Variants in NLGN1 observed in about 807,000 individuals in gnomAD.
The protein encoded by NLGN1 is neuroligin 1, also known as neuroligin-1.
Under a neutral mutation model 65.5 loss-of-function variants are expected in NLGN1, and 12 were observed. The ratio of observed to expected loss-of-function variants is 0.18; its 90% confidence interval spans 0.12 to 0.30. The LOEUF (loss-of-function observed/expected upper bound fraction) is 0.30. NLGN1 is among the 10% of genes least tolerant of loss of function. The pLI is 1.00. For missense variants in NLGN1, 750 were observed against 1,007.1 expected (o/e 0.74, Z 3.46); for synonymous variants, 350 against 359.5 (o/e 0.97, Z 0.30).
rs1428784506 is a variant in NLGN1 at position 173,762,623 on chromosome 3, A to C, written c.494-45057A>C. 2.6e-5 allele frequency among the ~76,000 whole-genome samples: 4 copies of C among 152,052 alleles called. No individual in the cohort carries two copies. The East Asian group carries it at 7.7e-4, about 29-fold the overall frequency. Reference sequence around the variant, plus strand: ...AATGAGCCTACCTAAGGCATTCTCTAGTTATGGTATACATTATTAACTGTT... The same window carrying C: ...AATGAGCCTACCTAAGGCATTCTCTCGTTATGGTATACATTATTAACTGTT... On this transcript the variant is annotated intron_variant, in intron 3 of 6. Coordinates refer to ENST00000457714, the Ensembl canonical transcript of NLGN1.
At chr3:173,761,707 A>G (rs1490028542) in intron 3 of NLGN1, among the ~76,000 whole-genome samples, 2 of 152,054 alleles carry the variant, frequency 1.3e-5, no homozygotes, top group Non-Finnish European at 2.9e-5. Context: ...GTAGCTTCAA[A>G]TATCAGTAAA....
intron 4 of NLGN1, among the ~76,000 whole-genome samples, chr3:174,249,345 A>G (rs906657773): frequency 6.6e-6 from 1 of 152,238 alleles, no homozygotes; most frequent in East Asian, 1.9e-4. Context: ...GCTGCCGATA[A>G]ATTTTCTTTT....
intron 4 of NLGN1, among the ~76,000 whole-genome samples, chr3:174,205,119 T>A (rs753198854): frequency 9.2e-5 from 14 of 152,116 alleles, no homozygotes; most frequent in East Asian, 3.8e-4. Flanking sequence ...TTAAAAAAAA[T>A]TTTTATATGT....
At chr3:173,594,549 T>A (rs1399539020) in intron 2 of NLGN1, among the ~76,000 whole-genome samples, 1 of 152,194 alleles carries the variant, frequency 6.6e-6, no homozygotes, top group South Asian at 2.1e-4. Flanking sequence ...CTTTTTCAGG[T>A]GAATGGTGCC....
intron 3 of NLGN1, among the ~76,000 whole-genome samples, chr3:173,633,805 G>A (rs757487330): frequency 2.0e-4 from 31 of 152,182 alleles, no homozygotes; most frequent in Non-Finnish European, 3.5e-4. Context: ...TCTAATTATC[G>A]TTTAGCAGTA....
At chr3:173,548,653 C>G (rs1312338181) in intron 2 of NLGN1, among the ~76,000 whole-genome samples, 1 of 151,894 alleles carries the variant, frequency 6.6e-6, no homozygotes, top group Non-Finnish European at 1.5e-5. Flanking sequence ...ACTATTGAAA[C>G]AGCTTGAAAC....
intron 1 of NLGN1, among the ~76,000 whole-genome samples, chr3:173,427,992 G>A (rs6769195): frequency 0.029 from 4,357 of 151,682 alleles, 205 homozygotes; most frequent in African/African-American, 0.1. Flanking sequence ...TTGTGATCCA[G>A]TGTTGGAGTA....
chr3:173,526,421 G>C (rs1326099667), intron 2 of NLGN1, among the ~76,000 whole-genome samples: 2 of 151,404 alleles, frequency 1.3e-5, no homozygotes, highest in African/African-American at 4.9e-5. Flanking sequence ...TTCCATTTGT[G>C]TGATATATCT....
At chr3:173,863,190 G>T in intron 4 of NLGN1, among the ~76,000 whole-genome samples, 1 of 150,352 alleles carries the variant, frequency 6.7e-6, no homozygotes, top group South Asian at 2.1e-4. Context: ...TTGTATATAT[G>T]TTCCTTTTTT....
At chr3:173,825,398 A>C (rs1344548556) in intron 4 of NLGN1, among the ~76,000 whole-genome samples, 4 of 152,028 alleles carry the variant, frequency 2.6e-5, no homozygotes, top group African/African-American at 9.7e-5. Context: ...ATGATAAGAG[A>C]ATATGCCATT....
chr3:173,600,159 A>G (rs1051177075), intron 2 of NLGN1, among the ~76,000 whole-genome samples: 1 of 149,786 alleles, frequency 6.7e-6, no homozygotes, highest in African/African-American at 2.5e-5. Context: ...TTGTATATCT[A>G]TGTATGTGGG....
intron 4 of NLGN1, among the ~76,000 whole-genome samples, chr3:174,118,805 T>C (rs1226009576): frequency 6.6e-6 from 1 of 152,102 alleles, no homozygotes; most frequent in Non-Finnish European, 1.5e-5. Flanking sequence ...ATTAGGAAAT[T>C]GGTGGCCGTG....
At chr3:174,004,491 T>C (rs1723968686) in intron 4 of NLGN1, among the ~76,000 whole-genome samples, 1 of 152,150 alleles carries the variant, frequency 6.6e-6, no homozygotes, top group Non-Finnish European at 1.5e-5. Context: ...TATCCTTAAG[T>C]AACTGACCCA....
intron 3 of NLGN1, among the ~76,000 whole-genome samples, chr3:173,791,903 G>T (rs1426086275): frequency 1.3e-5 from 2 of 152,086 alleles, no homozygotes; most frequent in Non-Finnish European, 2.9e-5. Flanking sequence ...ACTCAGTAGG[G>T]TCATTTCTAG....
chr3:173,756,661 CA>C (rs1415394094), intron 3 of NLGN1, among the ~76,000 whole-genome samples: 3 of 148,430 alleles, frequency 2.0e-5, no homozygotes. Flanking sequence ...GAACTTCTTA[CA>C]AAAATGGCTG....
intron 3 of NLGN1, among the ~76,000 whole-genome samples, chr3:173,791,225 T>C (rs1712651639): frequency 6.6e-6 from 1 of 152,210 alleles, no homozygotes; most frequent in Non-Finnish European, 1.5e-5. Flanking sequence ...ACTTGGACGC[T>C]TGAGTAGAAG....
chr3:173,419,162 C>T (rs1424524858), intron 1 of NLGN1, among the ~76,000 whole-genome samples: 8 of 148,136 alleles, frequency 5.4e-5, no homozygotes, highest in African/African-American at 2.0e-4. Flanking sequence ...TTCGATAAAA[C>T]CTGAGAAGGG....
At chr3:174,197,607 C>A (rs184467347) in intron 4 of NLGN1, among the ~76,000 whole-genome samples, 1 of 149,468 alleles carries the variant, frequency 6.7e-6, no homozygotes, top group Non-Finnish European at 1.5e-5. Flanking sequence ...GTGATTGGAA[C>A]GCAGCCCTGC....
chr3:173,845,886 G>T (rs1725695624), intron 4 of NLGN1, among the ~76,000 whole-genome samples: 1 of 151,868 alleles, frequency 6.6e-6, no homozygotes. Flanking sequence ...CGATATCATA[G>T]TATTCAGTCA....
Sources: gnomAD v4.1 joint callset for allele counts (sites outside exome capture counted in the v4.1 genomes callset) on GRCh38, gnomAD v4.1.1 for gene constraint, MANE v1.5 for transcripts, NCBI Gene and HGNC (gene_info 2026-07-23, HGNC 2026-07-21) for gene names.